The following TRPM2 variants were observed in gnomAD, a reference collection of about 807,000 sequenced individuals.
TRPM2 encodes transient receptor potential cation channel subfamily M member 2.
TRPM2 carries 161 observed loss-of-function variants against 174.0 expected under a neutral mutation model. That is an observed-to-expected ratio of 0.93 (90% CI 0.81 to 1.05). The LOEUF (loss-of-function observed/expected upper bound fraction) is 1.05. TRPM2 is among the 50% of genes least tolerant of loss of function. The pLI, the probability that TRPM2 is intolerant of heterozygous loss-of-function variation, is 0.00. For missense variants in TRPM2, 2,057 were observed against 2,038.0 expected (o/e 1.01, Z -0.18); for synonymous variants, 954 against 861.3 (o/e 1.11, Z -1.88).
chr21:44,402,845 T>TG (rs1314834030), intron 16 of TRPM2, among the ~76,000 whole-genome samples: 2 of 151,684 alleles, frequency 1.3e-5, no homozygotes, highest in Non-Finnish European at 2.9e-5. Flanking sequence ...GGTGAGGGGG[T>TG]GGGGTCAGCC....
At chr21:44,413,326 C>T (rs956248947) in intron 19 of TRPM2, among the ~76,000 whole-genome samples, 2 of 151,306 alleles carry the variant, frequency 1.3e-5, no homozygotes, top group South Asian at 2.1e-4. Context: ...GCAACCTCCA[C>T]CTCCCTCCCG....
intron 30 of TRPM2, among the ~76,000 whole-genome samples, chr21:44,440,218 T>TGGG (rs2051444541): frequency 7.2e-6 from 1 of 138,356 alleles, no homozygotes; most frequent in Admixed American, 8.2e-5. Context: ...ACACCTGTAA[T>TGGG]CTCAGCTACT....
At chr21:44,373,345 C>T (rs1284443336) in intron 5 of TRPM2, among the ~76,000 whole-genome samples, 1 of 152,120 alleles carries the variant, frequency 6.6e-6, no homozygotes, top group South Asian at 2.1e-4. Flanking sequence ...CACCACCATG[C>T]CCAGCTAATT....
chr21:44,417,519 CTG>C (rs1338406241), intron 20 of TRPM2, among the ~76,000 whole-genome samples: 2 of 114,122 alleles, frequency 1.8e-5, no homozygotes, highest in Admixed American at 8.4e-5. Context: ...GCTCTGCTCT[CTG>C]TGGCATCATA....
rs769483079 is a variant in TRPM2 at position 44,391,568 on chromosome 21, G to A, written c.1737G>A (p.Arg579=). The A allele has an allele frequency of 8.5e-5, 136 of 1,593,680 alleles. No homozygotes were observed. The highest frequency in any genetic ancestry group is 1.1e-4 in the Non-Finnish European group (129 of 1,175,708). ...LGDFTQPLYP[R]PRHNDRLRLL... ...ACTTCACGCAGCCGCTTTATCCCCG[G>A]CCCCGGCACAACGACCGGCTGCGGC... The change falls in exon 11 of 32, where the codon CGG becomes CGA. Residue 579 remains arginine (R), a synonymous_variant. Coordinates refer to ENST00000397928, the MANE Select transcript of TRPM2 (RefSeq NM_003307.4). The surrounding 1 kb of genome is among the most constrained non-coding windows in gnomAD (Gnocchi z 5.0).
intron 29 of TRPM2, 22 bp downstream of exon 29, chr21:44,437,189 C>T: frequency 1.3e-6 from 2 of 1,540,238 alleles, no homozygotes; most frequent in Non-Finnish European, 1.8e-6. Flanking sequence ...GCGTGTGGGA[C>T]CTCTGTCCAC....
In TRPM2 at chr21:44,401,715, G is replaced by A; in HGVS notation, c.2356G>A (p.Ala786Thr). Residue 786 changes from alanine (A) to threonine (T), a missense_variant, in exon 16 of 32, where the codon GCC (alanine) becomes ACC (threonine). Coordinates refer to ENST00000397928, the MANE Select transcript of TRPM2 (RefSeq NM_003307.4). ...KRLQDVGTPA[A>T]RARAFFTAPV... ...GCTGCAGGATGTGGGCACCCCCGCG[G>A]CCCGCGCCCGTGCCTTCTTCACCGC... The A allele has an allele frequency of 6.2e-7, 1 of 1,613,228 alleles. No homozygotes were observed. Among genetic ancestry groups the A allele is most frequent in the East Asian group, 2.2e-5 (1 of 44,870 alleles).
At chr21:44,378,792 C>G (rs1280450471) in intron 7 of TRPM2, among the ~76,000 whole-genome samples, 4 of 152,224 alleles carry the variant, frequency 2.6e-5, no homozygotes, top group Non-Finnish European at 5.9e-5. Flanking sequence ...CTGAGAGGTG[C>G]CAGGTGTGCA....
intron 19 of TRPM2, among the ~76,000 whole-genome samples, chr21:44,410,992 A>G (rs555093463): frequency 1.4e-5 from 2 of 143,244 alleles, no homozygotes; most frequent in Admixed American, 1.4e-4. Context: ...TGTCTTGGTG[A>G]GCGTAGCCTT....
Position 44,395,449 on chromosome 21 carries a change from T to G in TRPM2, c.1830T>G (p.Arg610=), listed in dbSNP as rs780362637. 1.2e-6 allele frequency: 2 copies of G among 1,612,904 alleles called. No individual in the cohort carries two copies. The highest frequency in any genetic ancestry group is 8.5e-7 in the Non-Finnish European group (1 of 1,179,952). The part of the protein sequence containing the change: ...QGVSLRSLYK[R]SSGHVTFTMD... ...TGAGCCTCCGGTCCCTCTACAAGCG[T>G]TCCTCAGGCCATGTGACCTTCACCA... Residue 610 remains arginine, a synonymous_variant, in exon 12 of 32, where the codon CGT becomes CGG. Coordinates refer to ENST00000397928, the MANE Select transcript of TRPM2 (RefSeq NM_003307.4).
chr21:44,362,736 C>T (rs986520430), intron 2 of TRPM2, among the ~76,000 whole-genome samples: 4 of 152,058 alleles, frequency 2.6e-5, no homozygotes, highest in Non-Finnish European at 5.9e-5. Context: ...CCTAGCCTTC[C>T]TTCAATTAAG....
intron 18 of TRPM2, 58 bp downstream of exon 18, chr21:44,406,095 G>A (rs1287534157): frequency 1.3e-6 from 2 of 1,586,912 alleles, no homozygotes; most frequent in African/African-American, 2.7e-5. Context: ...GGGCCTCGGG[G>A]AGGGCAGGCC....
Position 44,399,260 on chromosome 21 carries a change from C to G in TRPM2, c.2063-36C>G. On this transcript the variant is annotated intron_variant, in intron 13 of 31. Transcript: ENST00000397928. The surrounding 1 kb of genome is among the most constrained non-coding windows in gnomAD (Gnocchi z 4.6). ...GTCCCCAGGGCTCAGTGATTGTGAC[C>G]TGCTGCTCTGACGGGGCTCTCATAT... 1 of 1,595,460 alleles carries G rather than the reference C, an allele frequency of 6.3e-7. No homozygotes were observed. Among genetic ancestry groups the G allele is most frequent in the Non-Finnish European group, 8.6e-7 (1 of 1,169,032 alleles).
chr21:44,440,329 A>T (rs898174792), intron 30 of TRPM2, among the ~76,000 whole-genome samples: 2 of 9,666 alleles, frequency 2.1e-4, no homozygotes, highest in South Asian at 3.0e-3. Context: ...AAAAAAAAAA[A>T]GTGATCAATG....
chr21:44,427,128 C>T lies in TRPM2; in HGVS notation c.3974+17C>T, dbSNP rs901926860. 1.7e-5 allele frequency: 26 copies of T among 1,558,196 alleles called. No individual in the cohort carries two copies. Among genetic ancestry groups the T allele is most frequent in the Admixed American group, 3.8e-5 (2 of 52,104 alleles). On this transcript the variant is annotated intron_variant, in intron 27 of 31. Transcript: ENST00000397928. ...GTTGCCCCTGTGAGTGTGCCCCCTG[C>T]GGGCCCCGCCCCGTCAGCCTTTGGG...
intron 27 of TRPM2, among the ~76,000 whole-genome samples, chr21:44,434,606 T>C (rs2051163154): frequency 6.6e-6 from 1 of 152,124 alleles, no homozygotes. Context: ...GAGACCAGCC[T>C]GGCCCCATGG....
rs2049308330 is a variant in TRPM2, at chr21:44,395,324, T to TG, written c.1795-86dup. ...AGTGAGATCCTGAGAAGGTCGGGGC[T>TG]GGGGTCAGGGCCTGCACCTCTGACA... On this transcript the variant is annotated intron_variant, in intron 11 of 31. Coordinates refer to ENST00000397928, the MANE Select transcript of TRPM2 (RefSeq NM_003307.4). 2.0e-6 allele frequency: 3 copies of TG among 1,496,426 alleles called. No individual in the cohort carries two copies. The Admixed American group carries it at 6.5e-5, about 32-fold the overall frequency. 92.7% of individuals were successfully genotyped at this position (1,496,426 alleles called of 1,614,324 possible).
At chr21:44,402,537 A>C (rs1247677740) in intron 16 of TRPM2, among the ~76,000 whole-genome samples, 1 of 152,118 alleles carries the variant, frequency 6.6e-6, no homozygotes, top group Non-Finnish European at 1.5e-5. Flanking sequence ...GGCTGACACC[A>C]CATGGTTGAC....
Position 44,422,486 on chromosome 21 carries a change from T to C in TRPM2, c.3462-1159T>C, listed in dbSNP as rs1391869519. 5 of 1,507,478 alleles carry C rather than the reference T, an allele frequency of 3.3e-6. No individual in the cohort carries two copies. In the African/African-American group the frequency reaches 5.5e-5, roughly 17 times the overall value. 93.4% of individuals were successfully genotyped at this position (1,507,478 alleles called of 1,614,324 possible). A position where few individuals can be genotyped will look rare whatever the true frequency, so the allele number is the denominator to read the frequency against. ...GTGGGTGAAAGGAGATGCCCAGGCC[T>C]GGAGCGAAATCACTTTCTTCCCTCT... On this transcript the variant is annotated intron_variant, in intron 22 of 31. Transcript: ENST00000397928.
Sources: allele counts gnomAD v4.1 joint callset (sites outside exome capture counted in the v4.1 genomes callset), GRCh38; gene constraint gnomAD v4.1.1; non-coding constraint Gnocchi (gnomAD v3.1); transcripts MANE v1.5; gene names NCBI Gene and HGNC (gene_info 2026-07-23, HGNC 2026-07-21).